EGFLAM: variants seen among roughly 807,000 people sequenced by gnomAD.
The protein encoded by EGFLAM is EGF like, fibronectin type III and laminin G domains.
In EGFLAM, 79 loss-of-function variants were observed where a neutral mutation model predicts 113.1. The observed-to-expected ratio is 0.70, with a 90% CI of 0.58 to 0.84. EGFLAM has a LOEUF of 0.84. EGFLAM is among the 40% of genes least tolerant of loss of function. EGFLAM has a pLI of 0.00. For missense variants in EGFLAM, 1,265 were observed against 1,291.6 expected (o/e 0.98, Z 0.32); for synonymous variants, 504 against 487.6 (o/e 1.03, Z -0.44).
chr5:38,279,215 A>G (rs1170691932), intron 1 of EGFLAM, among the ~76,000 whole-genome samples: 2 of 152,342 alleles, frequency 1.3e-5, no homozygotes, highest in East Asian at 3.9e-4. Context: ...AAGGCAAAAG[A>G]TAACAAGTGT....
chr5:38,383,832 G>A (rs1337531463), intron 6 of EGFLAM, among the ~76,000 whole-genome samples: 2 of 151,902 alleles, frequency 1.3e-5, no homozygotes, highest in Admixed American at 6.6e-5. Context: ...TCCACGTGGA[G>A]GGAGTGACAA....
intron 1 of EGFLAM, among the ~76,000 whole-genome samples, chr5:38,318,450 G>A (rs1402792239): frequency 2.7e-5 from 4 of 150,386 alleles, no homozygotes; most frequent in Non-Finnish European, 4.4e-5. Context: ...TAGTATACTA[G>A]TATAGTATCT....
At chr5:38,413,530 C>G (rs1741551907) in intron 11 of EGFLAM, among the ~76,000 whole-genome samples, 1 of 151,984 alleles carries the variant, frequency 6.6e-6, no homozygotes, top group African/African-American at 2.4e-5. Context: ...AGCAAATCAC[C>G]TAGTATTCAC....
In EGFLAM at chr5:38,460,265, G is replaced by C. The variant is rs148789949; in HGVS notation, c.2771+1871G>C. Among the ~76,000 whole-genome samples the C allele has an allele frequency of 1.6e-3, 240 of 152,340 alleles. 1 individual carries two copies. Among genetic ancestry groups the C allele is most frequent in the African/African-American group, 5.4e-3 (225 of 41,580 alleles). On this transcript the variant is annotated intron_variant, in intron 20 of 21. Coordinates refer to ENST00000322350, the MANE Select transcript of EGFLAM (RefSeq NM_152403.4). ...TCACACATTGTGGAATAATTTTTAAGCCTTCCCAGTTGTTGTTGGGGTTTG... is the reference window on the plus strand; with the variant it reads ...TCACACATTGTGGAATAATTTTTAACCCTTCCCAGTTGTTGTTGGGGTTTG...
intron 1 of EGFLAM, among the ~76,000 whole-genome samples, chr5:38,260,142 T>C (rs951939405): frequency 2.0e-5 from 3 of 152,232 alleles, no homozygotes; most frequent in African/African-American, 7.2e-5. Flanking sequence ...AATATCACAT[T>C]AAATTGTTTC....
intron 3 of EGFLAM, among the ~76,000 whole-genome samples, chr5:38,338,994 G>A (rs1357409929): frequency 7.9e-5 from 12 of 152,188 alleles, no homozygotes; most frequent in Middle Eastern, 3.2e-3. Flanking sequence ...GAGTCCTGGC[G>A]TAAACGCTTC....
chr5:38,382,296 A>G (rs960474491), intron 6 of EGFLAM, among the ~76,000 whole-genome samples: 8 of 152,240 alleles, frequency 5.3e-5, no homozygotes, highest in African/African-American at 1.9e-4. Flanking sequence ...TTATACATAT[A>G]TAAATGCAAA....
At chr5:38,437,978 C>T (rs573876850) in intron 16 of EGFLAM, among the ~76,000 whole-genome samples, 13 of 152,092 alleles carry the variant, frequency 8.5e-5, no homozygotes, top group African/African-American at 1.9e-4. Context: ...AAAAATTAGC[C>T]GGGCGTAGTG....
chr5:38,461,757 G>A lies in EGFLAM; in HGVS notation c.2772-1151G>A, dbSNP rs185098827. ...TGTATTTGCTTGAACAAGGCTCATG[G>A]GGCTGGATAGGTTTGAAAAATAGCT... On this transcript the variant is annotated intron_variant, in intron 20 of 21. Transcript: ENST00000322350. Among the ~76,000 whole-genome samples the A allele has an allele frequency of 9.0e-3, 1,363 of 152,282 alleles. 12 individuals are homozygous for A. Among genetic ancestry groups the A allele is most frequent in the Admixed American group, 0.011 (167 of 15,306 alleles).
In EGFLAM at chr5:38,258,855, A is replaced by G; in HGVS notation, c.97+4A>G. ...CGAGCGGCCATCCGAAAACCAGGTA[A>G]TGCGCTCCTCCGCCCAGAGCCACCA... is the stretch of plus-strand genomic sequence containing the variant. On this transcript the variant is annotated splice_donor_region_variant and intron_variant, in intron 1 of 21. Transcript: ENST00000322350. 1 of 1,610,782 alleles carries G rather than the reference A, an allele frequency of 6.2e-7. No homozygotes were observed. Among genetic ancestry groups the G allele is most frequent in the Non-Finnish European group, 8.5e-7 (1 of 1,178,890 alleles).
chr5:38,410,481 T>G (rs766610318), intron 10 of EGFLAM, among the ~76,000 whole-genome samples: 7 of 152,186 alleles, frequency 4.6e-5, no homozygotes, highest in Non-Finnish European at 5.9e-5. Flanking sequence ...CTCACTTCAC[T>G]GAGGATCTCG....
chr5:38,319,066 G>A (rs907747637), intron 1 of EGFLAM, among the ~76,000 whole-genome samples: 4 of 152,216 alleles, frequency 2.6e-5, no homozygotes, highest in African/African-American at 9.6e-5. Flanking sequence ...TCATATTAGG[G>A]GTAAATATCA....
At chr5:38,439,929 G>A (rs184759191) in intron 17 of EGFLAM, among the ~76,000 whole-genome samples, 43 of 152,330 alleles carry the variant, frequency 2.8e-4, no homozygotes, top group Non-Finnish European at 5.4e-4. Context: ...CCCGGACTTA[G>A]ATGAACATTT....
Position 38,412,515 on chromosome 5 carries a change from G to C in EGFLAM, c.1361G>C (p.Gly454Ala), listed in dbSNP as rs370672647. The change falls in exon 11 of 22, where the codon GGA becomes GCA. Residue 454 changes from glycine (G) to alanine (A), a missense_variant. Transcript: ENST00000322350. The stretch of plus-strand genomic sequence containing the variant: ...TTCCTCCCCAACAGGTTTAATTGTG[G>C]AACTGGGGTTGCCATCATCGTAAGT... ...RRSLQFRFNC[G>A]TGVAIIVSET... is the part of the protein sequence containing the mutation. 2 of 1,614,144 alleles carry C rather than the reference G, an allele frequency of 1.2e-6. No individual in the cohort carries two copies. Among genetic ancestry groups the C allele is most frequent in the Non-Finnish European group, 1.7e-6 (2 of 1,180,028 alleles).
chr5:38,406,658 A>G (rs1741295503), intron 7 of EGFLAM, among the ~76,000 whole-genome samples, 170 bp from the exon 8 acceptor site: 1 of 152,188 alleles, frequency 6.6e-6, no homozygotes. Flanking sequence ...TAAGTCCCTG[A>G]CCATCAAGCT....
At chr5:38,263,480 A>T (rs1023257540) in intron 1 of EGFLAM, among the ~76,000 whole-genome samples, 24 of 152,072 alleles carry the variant, frequency 1.6e-4, no homozygotes, top group Non-Finnish European at 2.9e-5. Flanking sequence ...GAAACAAAAA[A>T]CATTGGGATG....
intron 5 of EGFLAM, among the ~76,000 whole-genome samples, chr5:38,356,552 C>T (rs1050089292): frequency 3.9e-5 from 6 of 152,188 alleles, no homozygotes; most frequent in African/African-American, 1.4e-4. Flanking sequence ...TCCTGACTTC[C>T]GGCCCGGTGC....
intron 5 of EGFLAM, among the ~76,000 whole-genome samples, chr5:38,365,383 C>T (rs1740033077): frequency 6.6e-6 from 1 of 152,192 alleles, no homozygotes; most frequent in African/African-American, 2.4e-5. Flanking sequence ...AAACACAGCT[C>T]TGATATGTGA....
intron 10 of EGFLAM, among the ~76,000 whole-genome samples, chr5:38,410,961 T>TGTA (rs371283846): frequency 7.6e-4 from 116 of 152,382 alleles, no homozygotes; most frequent in African/African-American, 2.8e-3. Flanking sequence ...TTGAATTCAC[T>TGTA]GTAAGCATTT....
Sources: gnomAD v4.1 joint callset for allele counts (sites outside exome capture counted in the v4.1 genomes callset) on GRCh38, gnomAD v4.1.1 for gene constraint, MANE v1.5 for transcripts, NCBI Gene and HGNC (gene_info 2026-07-23, HGNC 2026-07-21) for gene names.